The following NAALADL2 variants were observed in gnomAD, a reference collection of about 807,000 sequenced individuals.
The protein encoded by NAALADL2 is inactive N-acetylated-alpha-linked acidic dipeptidase-like protein 2.
A neutral mutation model predicts 87.2 loss-of-function variants in NAALADL2; 76 were observed. The observed-to-expected ratio is 0.87, with a 90% CI of 0.72 to 1.05. NAALADL2 has a LOEUF of 1.05. NAALADL2 is among the 50% of genes least tolerant of loss of function. NAALADL2 has a pLI of 0.00. For synonymous variants in NAALADL2, 354 were observed against 331.0 expected, an observed-to-expected ratio of 1.07 and a Z score of -0.75; for missense variants, 1,089 against 945.8, an observed-to-expected ratio of 1.15 and a Z score of -1.99.
intron 1 of NAALADL2, among the ~76,000 whole-genome samples, chr3:174,467,822 T>G (rs1577971849): frequency 6.6e-6 from 1 of 151,986 alleles, no homozygotes; most frequent in East Asian, 1.9e-4. Flanking sequence ...GAATAAAATA[T>G]ATTCATGTTT....
intron 1 of NAALADL2, among the ~76,000 whole-genome samples, chr3:175,007,701 A>G (rs1749220787): frequency 6.6e-6 from 1 of 152,132 alleles, no homozygotes; most frequent in African/African-American, 2.4e-5. Flanking sequence ...ATAGGATGGA[A>G]CCCAAATATA....
At chr3:174,508,354 C>T (rs764784513) in intron 1 of NAALADL2, among the ~76,000 whole-genome samples, 1 of 152,044 alleles carries the variant, frequency 6.6e-6, no homozygotes, top group Non-Finnish European at 1.5e-5. Flanking sequence ...ACCTTGTGAT[C>T]CGCCCGTCTC....
chr3:175,014,884 T>C (rs1324601842), intron 1 of NAALADL2, among the ~76,000 whole-genome samples: 2 of 152,232 alleles, frequency 1.3e-5, no homozygotes, highest in East Asian at 3.9e-4. Flanking sequence ...TTATTCCCTC[T>C]TTCTCTCTTC....
In NAALADL2 at chr3:175,484,160, T is replaced by G. The variant is rs141195297; in HGVS notation, c.1653+12402T>G. ...GGTGTACCAAAAGTAAAATGTTTCC[T>G]CTTACTTTGAAAGTTTATCTGTTAG... is the stretch of plus-strand genomic sequence containing the variant. On this transcript the variant is annotated intron_variant, in intron 9 of 13. Transcript: ENST00000454872. 5.3e-3 allele frequency among the ~76,000 whole-genome samples: 814 copies of G among 152,246 alleles called. 6 individuals are homozygous for G. The highest frequency in any genetic ancestry group is 0.019 in the African/African-American group (775 of 41,556).
rs184060224 is a variant in NAALADL2, at chr3:174,975,341, A to G, written c.43+115891A>G. On this transcript the variant is annotated intron_variant, in intron 1 of 13. Transcript: ENST00000454872. Reference sequence around the variant, plus strand: ...TAAGTGTTCATTGGGAAGAAGTCCTAAAAGACATCCATAATAGCTACACTA... The same window carrying G: ...TAAGTGTTCATTGGGAAGAAGTCCTGAAAGACATCCATAATAGCTACACTA... Among the ~76,000 whole-genome samples the G allele has an allele frequency of 2.6e-5, 4 of 152,356 alleles. No individual in the cohort carries two copies. In the East Asian group the frequency reaches 7.7e-4, roughly 29 times the overall value.
chr3:174,713,558 T>C (rs931025294), intron 2 of NAALADL2, among the ~76,000 whole-genome samples: 7 of 152,234 alleles, frequency 4.6e-5, no homozygotes, highest in African/African-American at 1.4e-4. Flanking sequence ...TGGCCAGTGA[T>C]GATGAGTACT....
intron 1 of NAALADL2, among the ~76,000 whole-genome samples, chr3:175,058,389 C>T (rs918334972): frequency 4.6e-5 from 7 of 152,026 alleles, no homozygotes; most frequent in South Asian, 2.1e-4. Context: ...GCCCTGGGCT[C>T]GGTGCTATTA....
intron 2 of NAALADL2, among the ~76,000 whole-genome samples, chr3:175,223,760 C>G (rs1379218766): frequency 6.6e-6 from 1 of 152,028 alleles, no homozygotes; most frequent in Admixed American, 6.6e-5. Flanking sequence ...TAAGTCCAAC[C>G]ATAAAATGAA....
At chr3:174,606,093 A>T (rs1396778507) in intron 2 of NAALADL2, among the ~76,000 whole-genome samples, 1 of 152,226 alleles carries the variant, frequency 6.6e-6, no homozygotes, top group Non-Finnish European at 1.5e-5. Flanking sequence ...ACTCCAACAG[A>T]CCTGCAGCTG....
intron 11 of NAALADL2, among the ~76,000 whole-genome samples, chr3:175,707,401 T>C (rs1026237230): frequency 1.3e-5 from 2 of 152,178 alleles, no homozygotes; most frequent in Non-Finnish European, 2.9e-5. Context: ...TCTTAACGCA[T>C]GAGCCATACA....
At chr3:175,644,880 T>C (rs1017619351) in intron 11 of NAALADL2, among the ~76,000 whole-genome samples, 1 of 152,174 alleles carries the variant, frequency 6.6e-6, no homozygotes, top group African/African-American at 2.4e-5. Flanking sequence ...ATGAAGTGAT[T>C]GCAATAGCAA....
At chr3:175,557,587 T>C (rs2149505590) in intron 9 of NAALADL2, among the ~76,000 whole-genome samples, 1 of 152,288 alleles carries the variant, frequency 6.6e-6, no homozygotes, top group East Asian at 1.9e-4. Flanking sequence ...ACCATCCTTC[T>C]ACTCTTTATC....
chr3:174,786,482 A>G lies in NAALADL2; in HGVS notation c.-9+48736A>G, dbSNP rs542888575. On this transcript the variant is annotated intron_variant, in intron 3 of 3. Coordinates refer to the NAALADL2 transcript ENST00000434257. The stretch of plus-strand genomic sequence containing the variant: ...AAAAAAAAAATAATAAATAAATGAA[A>G]AGGAGAAAAAAAAGAAAAAGTAAAA... Among the ~76,000 whole-genome samples the G allele has an allele frequency of 2.4e-3, 330 of 138,130 alleles. 5 individuals carry two copies. Among genetic ancestry groups the G allele is most frequent in the African/African-American group, 7.9e-3 (316 of 40,052 alleles). The allele number at this position is 138,130 out of a possible 152,430, so 90.6% of individuals were successfully genotyped here.
intron 11 of NAALADL2, among the ~76,000 whole-genome samples, chr3:175,683,860 G>T (rs370657034): frequency 1.3e-5 from 2 of 151,934 alleles, no homozygotes; most frequent in African/African-American, 2.4e-5. Flanking sequence ...ACATTTAACG[G>T]AAATAATGTA....
chr3:175,575,969 T>C, intron 9 of NAALADL2, 72 bp from the exon 10 acceptor site: 1 of 1,280,780 alleles, frequency 7.8e-7, no homozygotes, highest in Non-Finnish European at 1.1e-6. Flanking sequence ...TGGACCATGT[T>C]TTGAGTAGCA....
chr3:175,690,682 G>A (rs1230697745), intron 11 of NAALADL2, among the ~76,000 whole-genome samples: 1 of 151,986 alleles, frequency 6.6e-6, no homozygotes, highest in African/African-American at 2.4e-5. Flanking sequence ...CAGAAAATGA[G>A]TGTTTAGGAA....
intron 1 of NAALADL2, among the ~76,000 whole-genome samples, chr3:174,879,185 G>T (rs1579320839): frequency 6.6e-6 from 1 of 151,998 alleles, no homozygotes; most frequent in Non-Finnish European, 1.5e-5. Context: ...ATTCATCTTA[G>T]TTAATGTGGC....
chr3:175,118,150 C>A (rs995643404), intron 2 of NAALADL2, among the ~76,000 whole-genome samples: 2 of 151,662 alleles, frequency 1.3e-5, no homozygotes, highest in Non-Finnish European at 2.9e-5. Context: ...AGGAGATATA[C>A]CTAATGTAAA....
intron 5 of NAALADL2, among the ~76,000 whole-genome samples, chr3:175,406,939 G>C (rs1165811932): frequency 6.6e-6 from 1 of 152,034 alleles, no homozygotes; most frequent in South Asian, 2.1e-4. Flanking sequence ...CCAGCACTTT[G>C]GGAGGCTGAG....
Sources: gnomAD v4.1 joint callset for allele counts (sites outside exome capture counted in the v4.1 genomes callset) on GRCh38, gnomAD v4.1.1 for gene constraint, MANE v1.5 for transcripts, NCBI Gene and HGNC (gene_info 2026-07-23, HGNC 2026-07-21) for gene names.